The following LAPTM5 variants were observed in gnomAD, a reference collection of about 807,000 sequenced individuals.
The protein encoded by LAPTM5 is lysosomal protein transmembrane 5, also known as lysosomal-associated transmembrane protein 5.
LAPTM5 carries 11 observed loss-of-function variants against 30.1 expected under a neutral mutation model. The ratio of observed to expected loss-of-function variants is 0.37; its 90% CI spans 0.23 to 0.60. The LOEUF (loss-of-function observed/expected upper bound fraction) is 0.60, where lower values mean the gene tolerates loss of function less well. LAPTM5 is among the 20% of genes least tolerant of loss of function. The pLI is 0.71. For missense variants in LAPTM5, 324 were observed against 332.5 expected (o/e 0.97, Z 0.20); for synonymous variants, 151 against 137.9 (o/e 1.10, Z -0.67).
chr1:30,739,214 C>T lies in LAPTM5; in HGVS notation c.388-152G>A. 2.0e-6 allele frequency: 2 copies of T among 984,216 alleles called. 1 individual carries two copies. The highest frequency in any genetic ancestry group is 3.3e-5 in the South Asian group (2 of 60,210). 61.0% of individuals were successfully genotyped at this position (984,216 alleles called of 1,614,324 possible). ...CTGTGCACAGAGAGACATGAACACA[C>T]AGATGTTCATACCAAGAGCTGGTGG... On this transcript the variant is annotated intron_variant, in intron 4 of 7. Coordinates refer to ENST00000294507, the MANE Select transcript of LAPTM5 (RefSeq NM_006762.3). This position sits in a 1 kb window ranked among gnomAD's most constrained non-coding sequence, Gnocchi z 4.2.
intron 2 of LAPTM5, chr1:30,741,998 C>A (rs1639978124): frequency 5.3e-6 from 2 of 376,920 alleles, no homozygotes; most frequent in African/African-American, 4.1e-5. Flanking sequence ...TGGGGAGTGG[C>A]CTGAGAGCAA....
intron 1 of LAPTM5, among the ~76,000 whole-genome samples, chr1:30,750,264 C>T (rs1480935971): frequency 6.6e-5 from 10 of 152,186 alleles, no homozygotes; most frequent in Admixed American, 5.9e-4. Context: ...CCTCCACTCC[C>T]CAAACGATTC....
chr1:30,750,035 T>C (rs1282856965), intron 1 of LAPTM5, among the ~76,000 whole-genome samples: 16 of 151,830 alleles, frequency 1.1e-4, no homozygotes, highest in African/African-American at 9.7e-5. Context: ...CTGGAGGAGG[T>C]TGTCACCTGC....
chr1:30,753,082 G>A (rs1406129385), intron 1 of LAPTM5, among the ~76,000 whole-genome samples: 1 of 111,072 alleles, frequency 9.0e-6, no homozygotes, highest in South Asian at 3.1e-4. Flanking sequence ...GCACCTGGCC[G>A]TACTTTTTTT....
At chr1:30,738,155 CCACA>C (rs574417972) in intron 5 of LAPTM5, among the ~76,000 whole-genome samples, 2 of 152,306 alleles carry the variant, frequency 1.3e-5, no homozygotes, top group South Asian at 4.1e-4. Flanking sequence ...GCAAATATTA[CCACA>C]CATTCTTTGA....
At chr1:30,748,741 C>G (rs554548828) in intron 1 of LAPTM5, among the ~76,000 whole-genome samples, 1 of 152,364 alleles carries the variant, frequency 6.6e-6, no homozygotes, top group East Asian at 1.9e-4. Context: ...AGCCTGGCTT[C>G]TCTCTCCTCT....
intron 1 of LAPTM5, among the ~76,000 whole-genome samples, chr1:30,753,831 A>C (rs1640172254): frequency 6.6e-6 from 1 of 152,236 alleles, no homozygotes; most frequent in South Asian, 2.1e-4. Context: ...TTGAGACGTT[A>C]GCAATAGAGG....
At chr1:30,750,129 T>C (rs1640111188) in intron 1 of LAPTM5, among the ~76,000 whole-genome samples, 1 of 152,096 alleles carries the variant, frequency 6.6e-6, no homozygotes, top group Non-Finnish European at 1.5e-5. Flanking sequence ...GCAGCAGAGA[T>C]ATTCTGGCTG....
At chr1:30,736,590 C>A (rs1039478037) in intron 6 of LAPTM5, among the ~76,000 whole-genome samples, 1 of 151,696 alleles carries the variant, frequency 6.6e-6, no homozygotes, top group African/African-American at 2.4e-5. Context: ...CACGCCACCA[C>A]ATCCAACTTT....
Position 30,739,115 on chromosome 1 carries a change from A to G in LAPTM5, c.388-53T>C. 6.5e-7 allele frequency: 1 copy of G among 1,548,200 alleles called. No individual in the cohort carries two copies. ...AATGAGGAGCAGCAATTAAAGTCCC[A>G]GTTACTGAGCGGCACATAGTAGGCC... On this transcript the variant is annotated intron_variant, in intron 4 of 7. Coordinates refer to ENST00000294507, the MANE Select transcript of LAPTM5 (RefSeq NM_006762.3). The surrounding 1 kb of genome is among the most constrained non-coding windows in gnomAD (Gnocchi z 4.2).
intron 5 of LAPTM5, among the ~76,000 whole-genome samples, chr1:30,738,035 C>T (rs111589481): frequency 7.2e-5 from 11 of 152,320 alleles, no homozygotes; most frequent in African/African-American, 2.6e-4. Flanking sequence ...ACAGGGACCA[C>T]CTAATCCACT....
chr1:30,735,269 G>C lies in LAPTM5; in HGVS notation c.607-4C>G, dbSNP rs1639869935. 1.9e-6 allele frequency: 3 copies of C among 1,613,366 alleles called. No homozygotes were observed. In the East Asian group the frequency reaches 6.7e-5, roughly 36 times the overall value. Reference sequence around the variant, plus strand: ...ACACGCACTTGAACATGTAGACCTGGAAAAAGGCCCAGGTCAGGCTGTGCT... The same window carrying C: ...ACACGCACTTGAACATGTAGACCTGCAAAAAGGCCCAGGTCAGGCTGTGCT... On this transcript the variant is annotated splice_region_variant and splice_polypyrimidine_tract_variant and intron_variant, in intron 6 of 7. Transcript: ENST00000294507.
chr1:30,741,782 A>G (rs1473423716), intron 2 of LAPTM5, 66 bp from the exon 3 acceptor site: 1 of 1,227,334 alleles, frequency 8.1e-7, no homozygotes, highest in Non-Finnish European at 1.1e-6. Context: ...GGCTCCCAGG[A>G]CCACACTTGG....
intron 3 of LAPTM5, among the ~76,000 whole-genome samples, chr1:30,740,426 G>A (rs566108352): frequency 4.3e-5 from 2 of 46,106 alleles, no homozygotes; most frequent in Non-Finnish European, 9.6e-5. Flanking sequence ...TCCCCACCAC[G>A]CCCCGCATAC....
chr1:30,740,063 G>A (rs1345661943), intron 3 of LAPTM5, 126 bp from the exon 4 acceptor site: 1 of 1,082,716 alleles, frequency 9.2e-7, no homozygotes, highest in Middle Eastern at 2.2e-4. Flanking sequence ...CCTCAGTTGA[G>A]GTCACCTCCC....
chr1:30,749,683 G>A (rs977951790), intron 1 of LAPTM5, among the ~76,000 whole-genome samples: 97 of 152,222 alleles, frequency 6.4e-4, no homozygotes, highest in Admixed American at 4.6e-3. Context: ...GGGTCAGGGC[G>A]GGCTTCTCAG....
intron 2 of LAPTM5, 56 bp from the exon 3 acceptor site, chr1:30,741,772 G>C: frequency 7.3e-7 from 1 of 1,363,290 alleles, no homozygotes; most frequent in Non-Finnish European, 1.0e-6. Flanking sequence ...ACCCCAGCCA[G>C]GCTCCCAGGA....
In LAPTM5 at chr1:30,739,820, G is replaced by A. The variant is rs549310638; in HGVS notation, c.376C>T (p.Arg126Trp). 9.7e-5 allele frequency: 155 copies of A among 1,602,810 alleles called. No homozygotes were observed. In the Admixed American group the frequency reaches 1.4e-3, roughly 14 times the overall value. The change falls in exon 4 of 8, where the codon CGG becomes TGG. Residue 126 changes from arginine to tryptophan, a missense_variant. Arg to Trp is a moderately radical substitution (Grantham distance 101, BLOSUM62 -3). Transcript: ENST00000294507. The surrounding 1 kb of genome is among the most constrained non-coding windows in gnomAD (Gnocchi z 4.2). Reference sequence around the variant, plus strand: ...GGCTGGGTACTCACAGCACGGCTCCGGGAGGCCAACTTGAGGTAGGCGGGC... The same window carrying A: ...GGCTGGGTACTCACAGCACGGCTCCAGGAGGCCAACTTGAGGTAGGCGGGC... ...ELPAYLKLAS[R>W]SRASSSKFPL...
chr1:30,740,754 C>T (rs1156662737), intron 3 of LAPTM5, among the ~76,000 whole-genome samples: 1 of 152,160 alleles, frequency 6.6e-6, no homozygotes, highest in African/African-American at 2.4e-5. Flanking sequence ...CCACAGCCAC[C>T]CTGCACAAGG....
Sources: gnomAD v4.1 joint callset for allele counts (sites outside exome capture counted in the v4.1 genomes callset) on GRCh38, gnomAD v4.1.1 for gene constraint, Gnocchi (gnomAD v3.1) non-coding constraint, MANE v1.5 for transcripts, NCBI Gene and HGNC (gene_info 2026-07-23, HGNC 2026-07-21) for gene names.